NIPBL: variants seen among roughly 807,000 people sequenced by gnomAD.
NIPBL encodes the protein nipped-B-like protein.
A neutral mutation model predicts 321.8 loss-of-function variants in NIPBL; 19 were observed. That is an observed-to-expected ratio of 0.06 (90% confidence interval 0.04 to 0.09). The LOEUF is 0.09. Ranked by LOEUF, NIPBL falls within the 10% of genes least tolerant of loss-of-function variation. The pLI, the probability that NIPBL is intolerant of heterozygous loss-of-function variation, is 1.00. For synonymous variants in NIPBL, 1,106 were observed against 1,114.1 expected (o/e 0.99, Z 0.14); for missense variants, 2,210 against 3,327.0 (o/e 0.66, Z 8.26).
At position 37,000,800 on chromosome 5, in the gene NIPBL, C is replaced by T; in HGVS notation, c.3503-17C>T. On this transcript the variant is annotated splice_polypyrimidine_tract_variant and intron_variant, in intron 12 of 46. Coordinates refer to ENST00000282516, the MANE Select transcript of NIPBL (RefSeq NM_133433.4). ...TTGTCAGTCCTGCATTTCAGTACTT[C>T]TTTTTGTTCGTTTTAGTTGCTAGGA... The T allele has an allele frequency of 1.3e-6, 2 of 1,596,214 alleles. No individual in the cohort carries two copies. The highest frequency in any genetic ancestry group is 2.2e-5 in the South Asian group (2 of 90,508).
At chr5:37,043,434 A>G (rs1042857956) in intron 34 of NIPBL, among the ~76,000 whole-genome samples, 3 of 146,416 alleles carry the variant, frequency 2.0e-5, no homozygotes, top group East Asian at 3.9e-4. Flanking sequence ...TGGCTGAGTC[A>G]GGGGGTTGCT....
chr5:37,008,547 T>C (rs1747712334), intron 19 of NIPBL, 76 bp from the exon 20 acceptor site: 1 of 807,034 alleles, frequency 1.2e-6, no homozygotes, highest in Admixed American at 1.9e-5. Flanking sequence ...CAGGTAATTT[T>C]TTAAATCACA....
chr5:36,966,900 C>G (rs964765965), intron 6 of NIPBL, among the ~76,000 whole-genome samples: 2 of 151,698 alleles, frequency 1.3e-5, no homozygotes, highest in African/African-American at 4.8e-5. Context: ...TTTTGGTATT[C>G]TAAGAGTTGA....
chr5:37,052,292 G>A (rs1284119054), intron 41 of NIPBL, 74 bp from the exon 42 acceptor site: 1 of 1,162,248 alleles, frequency 8.6e-7, no homozygotes, highest in Non-Finnish European at 1.3e-6. Context: ...GCCTCAGAAT[G>A]TAATGCTCTA....
chr5:37,052,335 C>G, intron 41 of NIPBL, 31 bp from the exon 42 acceptor site: 1 of 1,569,430 alleles, frequency 6.4e-7, no homozygotes, highest in Non-Finnish European at 8.8e-7. Context: ...TTTAATTTCC[C>G]TGACAAAAAT....
At chr5:37,027,212 TTGTG>T (rs1750382514) in intron 31 of NIPBL, 143 bp from the exon 32 acceptor site, 1 of 662,944 alleles carries the variant, frequency 1.5e-6, no homozygotes. Flanking sequence ...TGGTAAATGG[TTGTG>T]TTACTGAAAA....
chr5:36,986,680 C>T (rs1744844657), intron 10 of NIPBL, among the ~76,000 whole-genome samples: 1 of 152,152 alleles, frequency 6.6e-6, no homozygotes, highest in African/African-American at 2.4e-5. Flanking sequence ...TACATTCTTA[C>T]AGACCTGTGT....
At chr5:36,958,761 A>G (rs1741265415) in intron 4 of NIPBL, among the ~76,000 whole-genome samples, 1 of 152,162 alleles carries the variant, frequency 6.6e-6, no homozygotes, top group African/African-American at 2.4e-5. Flanking sequence ...TTATGTAGTC[A>G]TGGAGTACCT....
At position 37,051,770 on chromosome 5, in the gene NIPBL, T is replaced by TC; in HGVS notation, c.6955-9_6955-8insC. 1.9e-6 allele frequency: 3 copies of TC among 1,599,288 alleles called. No homozygotes were observed. In the South Asian group the frequency reaches 3.3e-5, roughly 18 times the overall value. On this transcript the variant is annotated splice_polypyrimidine_tract_variant and intron_variant, in intron 40 of 46. Transcript: ENST00000282516. ...CATGATATCTCGTAATTTTTTTTTTTATTTCCAGTGTGTGCCATATTTAAT... is the reference window on the plus strand; with the variant it reads ...CATGATATCTCGTAATTTTTTTTTTTCATTTCCAGTGTGTGCCATATTTAAT...
At chr5:37,027,286 A>G (rs1750393572) in intron 31 of NIPBL, 73 bp from the exon 32 acceptor site, 1 of 1,160,450 alleles carries the variant, frequency 8.6e-7, no homozygotes, top group Admixed American at 1.7e-5. Context: ...TTTCAGGCTA[A>G]AGCATAACAA....
intron 25 of NIPBL, 106 bp downstream of exon 25, chr5:37,019,506 A>G (rs758366147): frequency 7.2e-5 from 57 of 789,238 alleles, no homozygotes; most frequent in Non-Finnish European, 1.2e-4. Context: ...GTTGTTTGGA[A>G]TATTGATTTT....
intron 29 of NIPBL, 46 bp from the exon 30 acceptor site, chr5:37,024,539 G>A: frequency 1.3e-6 from 2 of 1,531,948 alleles, no homozygotes; most frequent in Non-Finnish European, 9.0e-7. Context: ...TCATACACTA[G>A]GCATCTCAAT....
intron 27 of NIPBL, among the ~76,000 whole-genome samples, chr5:37,021,097 G>A (rs549711038): frequency 1.4e-4 from 22 of 152,318 alleles, no homozygotes; most frequent in Admixed American, 6.5e-5. Flanking sequence ...TCAAGAGTTC[G>A]AGACCAACCT....
intron 41 of NIPBL, 65 bp downstream of exon 41, chr5:37,051,951 T>TCAAAG: frequency 2.7e-6 from 3 of 1,108,762 alleles, no homozygotes; most frequent in Non-Finnish European, 4.1e-6. Flanking sequence ...ATTTCTTTGA[T>TCAAAG]AAATGCTCTG....
chr5:36,988,592 A>T (rs1213403236), intron 10 of NIPBL, among the ~76,000 whole-genome samples: 2 of 151,888 alleles, frequency 1.3e-5, no homozygotes, highest in African/African-American at 2.4e-5. Flanking sequence ...TGGATTTTTT[A>T]AAATTGCATG....
chr5:37,029,172 T>C (rs745801113), intron 32 of NIPBL, among the ~76,000 whole-genome samples: 2 of 152,220 alleles, frequency 1.3e-5, no homozygotes, highest in Admixed American at 6.5e-5. Context: ...AGTGATGATA[T>C]ACAGTCATGT....
chr5:36,947,230 C>CTA (rs1739789748), intron 1 of NIPBL, among the ~76,000 whole-genome samples: 1 of 151,980 alleles, frequency 6.6e-6, no homozygotes, highest in South Asian at 2.1e-4. Context: ...ATAACTATAG[C>CTA]TATAGTTCAG....
At chr5:37,014,633 C>A (rs1748714730) in intron 21 of NIPBL, 50 bp from the exon 22 acceptor site, 3 of 1,090,334 alleles carry the variant, frequency 2.8e-6, no homozygotes, top group Non-Finnish European at 2.8e-6. Flanking sequence ...AGCAACAGGG[C>A]TAACTTATTA....
At chr5:36,916,021 A>G (rs1336890295) in intron 1 of NIPBL, among the ~76,000 whole-genome samples, 1 of 152,236 alleles carries the variant, frequency 6.6e-6, no homozygotes, top group Non-Finnish European at 1.5e-5. Context: ...AAAAGATATG[A>G]GGAACAACAT....
Sources: allele counts gnomAD v4.1 joint callset (sites outside exome capture counted in the v4.1 genomes callset), GRCh38; gene constraint gnomAD v4.1.1; transcripts MANE v1.5; gene names NCBI Gene and HGNC (gene_info 2026-07-23, HGNC 2026-07-21).